Variants in PIWIL3 observed in about 807,000 individuals in gnomAD.
PIWIL3 encodes the protein piwi like RNA-mediated gene silencing 3, also known as piwi-like protein 3.
A neutral mutation model predicts 109.7 loss-of-function variants in PIWIL3; 101 were observed. The ratio of observed to expected loss-of-function variants is 0.92; its 90% CI spans 0.78 to 1.09. The LOEUF (loss-of-function observed/expected upper bound fraction) is 1.09, where lower values mean the gene tolerates loss of function less well. Ranked by LOEUF, PIWIL3 falls within the 50% of genes least tolerant of loss-of-function variation. PIWIL3 has a pLI of 0.00. For synonymous variants in PIWIL3, 373 were observed against 376.4 expected, an observed-to-expected ratio of 0.99 and a Z score of 0.10; for missense variants, 1,031 against 1,072.6, an observed-to-expected ratio of 0.96 and a Z score of 0.54.
intron 1 of PIWIL3, among the ~76,000 whole-genome samples, chr22:24,766,224 C>T (rs1401920544): frequency 6.6e-6 from 1 of 151,954 alleles, no homozygotes; most frequent in Non-Finnish European, 1.5e-5. Context: ...TGAGCTCAAG[C>T]GATCATCCCA....
intron 2 of PIWIL3, 43 bp downstream of exon 2, chr22:24,762,355 G>C: frequency 6.3e-7 from 1 of 1,592,608 alleles, no homozygotes; most frequent in Non-Finnish European, 8.5e-7. Context: ...TTCAGTACAG[G>C]CACATATCTC....
At chr22:24,720,373 G>A (rs1301977919) in intron 19 of PIWIL3, among the ~76,000 whole-genome samples, 4 of 143,240 alleles carry the variant, frequency 2.8e-5, no homozygotes, top group African/African-American at 5.1e-5. Flanking sequence ...CTGGGTTCAC[G>A]CCGTTCTCCT....
At position 24,760,299 on chromosome 22, in the gene PIWIL3, A is replaced by G. The variant is rs554528704; in HGVS notation, c.103-310T>C. On this transcript the variant is annotated intron_variant, in intron 2 of 20. Transcript: ENST00000616349. ...CAGTGAGAAAGTGACACAGAACCCA[A>G]GACTTGGAGGTACTGAGTGAATTAG... is the stretch of plus-strand genomic sequence containing the variant. Among the ~76,000 whole-genome samples, 343 of 152,316 alleles carry G rather than the reference A, an allele frequency of 2.3e-3. 3 individuals carry two copies. Among genetic ancestry groups the G allele is most frequent in the African/African-American group, 7.9e-3 (328 of 41,576 alleles).
intron 1 of PIWIL3, among the ~76,000 whole-genome samples, chr22:24,769,033 A>C (rs1257521469): frequency 6.6e-6 from 1 of 152,150 alleles, no homozygotes; most frequent in Non-Finnish European, 1.5e-5. Context: ...AACGAGGCCA[A>C]CTATACAGTC....
intron 14 of PIWIL3, among the ~76,000 whole-genome samples, chr22:24,731,096 T>A (rs993578389): frequency 1.3e-5 from 2 of 151,974 alleles, no homozygotes; most frequent in Non-Finnish European, 2.9e-5. Flanking sequence ...TTCCTGGGCC[T>A]CACAGCATGA....
intron 12 of PIWIL3, among the ~76,000 whole-genome samples, chr22:24,743,689 T>C (rs1457166585): frequency 6.6e-6 from 1 of 152,146 alleles, no homozygotes. Flanking sequence ...GAGGGGGTGA[T>C]GGATCAAATA....
At chr22:24,762,107 A>T in intron 2 of PIWIL3, 1 of 928,404 alleles carries the variant, frequency 1.1e-6, no homozygotes, top group Non-Finnish European at 1.4e-6. Context: ...TCACTTCCAA[A>T]GAGGAGTCAT....
Position 24,751,458 on chromosome 22 carries a change from T to TC in PIWIL3, c.1017dup (p.Lys340GlufsTer5). 6.2e-7 allele frequency: 1 copy of TC among 1,614,042 alleles called. No individual in the cohort carries two copies. The highest frequency in any genetic ancestry group is 1.1e-5 in the South Asian group (1 of 91,060). ...TTAAATGTGTCTTCAGGATTCTGCT[T>TC]CCAATCAATATCATCTACTCTGTAG... On this transcript the variant is annotated frameshift_variant, in exon 9 of 21. Coordinates refer to ENST00000616349, the MANE Select transcript of PIWIL3 (RefSeq NM_001255975.1). LOFTEE classifies it high-confidence loss of function.
intron 12 of PIWIL3, among the ~76,000 whole-genome samples, chr22:24,736,703 T>C (rs985218493): frequency 5.9e-5 from 9 of 152,308 alleles, no homozygotes; most frequent in South Asian, 2.1e-4. Context: ...AAAACAGTCT[T>C]GAATTGCTGA....
rs562624321 is a variant in PIWIL3 at position 24,722,989 on chromosome 22, A to G, written c.2357+141T>C. The stretch of plus-strand genomic sequence containing the variant: ...AGATTTAAATGAGGAATCTCTGCCC[A>G]ATAGTAAAAAAAACAGACCAAATTA... On this transcript the variant is annotated intron_variant, in intron 19 of 20. Coordinates refer to ENST00000616349, the MANE Select transcript of PIWIL3 (RefSeq NM_001255975.1). 5 of 923,584 alleles carry G rather than the reference A, an allele frequency of 5.4e-6. No individual in the cohort carries two copies. In the Admixed American group the frequency reaches 1.0e-4, roughly 19 times the overall value. The allele number at this position is 923,584 out of a possible 1,614,324, so 57.2% of individuals were successfully genotyped here.
At chr22:24,768,525 T>C (rs1185379051) in intron 1 of PIWIL3, among the ~76,000 whole-genome samples, 1 of 152,162 alleles carries the variant, frequency 6.6e-6, no homozygotes. Context: ...ATGCTGGGAT[T>C]ACAGGCGTGA....
At chr22:24,739,622 T>C (rs1332479152) in intron 12 of PIWIL3, among the ~76,000 whole-genome samples, 1 of 151,904 alleles carries the variant, frequency 6.6e-6, no homozygotes, top group Non-Finnish European at 1.5e-5. Context: ...GGACAAAGAC[T>C]TTTCCAGACA....
chr22:24,734,039 G>C, intron 14 of PIWIL3, 45 bp downstream of exon 14: 1 of 1,562,382 alleles, frequency 6.4e-7, no homozygotes, highest in Non-Finnish European at 8.6e-7. Flanking sequence ...AAGATGGTTT[G>C]GAACAATAAC....
chr22:24,739,529 A>ACT (rs1923854492), intron 12 of PIWIL3, among the ~76,000 whole-genome samples: 1 of 152,166 alleles, frequency 6.6e-6, no homozygotes, highest in Non-Finnish European at 1.5e-5. Flanking sequence ...AGAAGAGAGT[A>ACT]GCATAACATC....
At chr22:24,768,217 TTTGTTGTTGTTTTTTG>T (rs1453625635) in intron 1 of PIWIL3, among the ~76,000 whole-genome samples, 4 of 152,090 alleles carry the variant, frequency 2.6e-5, no homozygotes, top group African/African-American at 9.7e-5. Context: ...TTTTTCTTTT[TTTGTTGTTGTTTTTTG>T]TTGTTGTTGT....
At chr22:24,739,730 T>C (rs553493817) in intron 12 of PIWIL3, among the ~76,000 whole-genome samples, 42 of 151,944 alleles carry the variant, frequency 2.8e-4, no homozygotes, top group Middle Eastern at 3.4e-3. Flanking sequence ...TGAGGAGCAA[T>C]AGGAATTCAT....
chr22:24,767,464 T>C (rs1925866173), intron 1 of PIWIL3, among the ~76,000 whole-genome samples: 1 of 151,694 alleles, frequency 6.6e-6, no homozygotes, highest in African/African-American at 2.4e-5. Context: ...GGCAGGAGAA[T>C]TGCTTGAACC....
chr22:24,729,387 T>C (rs1397742226), intron 14 of PIWIL3, among the ~76,000 whole-genome samples: 2 of 152,100 alleles, frequency 1.3e-5, no homozygotes, highest in African/African-American at 4.8e-5. Context: ...AGCTTCCTCA[T>C]GATGTATGTA....
intron 1 of PIWIL3, among the ~76,000 whole-genome samples, chr22:24,771,270 G>A (rs1382930647): frequency 6.6e-6 from 1 of 151,816 alleles, no homozygotes; most frequent in Non-Finnish European, 1.5e-5. Flanking sequence ...AGACCATCCT[G>A]GCTACCACGA....
Sources: gnomAD v4.1 joint callset for allele counts (sites outside exome capture counted in the v4.1 genomes callset) on GRCh38, gnomAD v4.1.1 for gene constraint, MANE v1.5 for transcripts, NCBI Gene and HGNC (gene_info 2026-07-23, HGNC 2026-07-21) for gene names.